The following TAFA2 variants were observed in gnomAD, a reference collection of about 807,000 sequenced individuals.
TAFA2 encodes the protein chemokine-like protein TAFA-2.
A neutral mutation model predicts 18.8 loss-of-function variants in TAFA2; 7 were observed. The observed-to-expected ratio is 0.37, with a 90% CI of 0.21 to 0.70. The LOEUF (loss-of-function observed/expected upper bound fraction) is 0.70. Ranked by LOEUF, TAFA2 falls within the 30% of genes least tolerant of loss-of-function variation. TAFA2 has a pLI of 0.53. For missense variants in TAFA2, 122 were observed against 158.1 expected (o/e 0.77, Z 1.23); for synonymous variants, 60 against 54.2 (o/e 1.11, Z -0.47).
intron 1 of TAFA2, among the ~76,000 whole-genome samples, chr12:62,201,234 T>C (rs2062669384): frequency 3.9e-5 from 6 of 152,178 alleles, no homozygotes; most frequent in Admixed American, 3.9e-4. Context: ...GCTTTATTTC[T>C]TTCTCTTGCC....
intron 1 of TAFA2, among the ~76,000 whole-genome samples, chr12:61,870,293 C>A (rs543992261): frequency 6.6e-6 from 1 of 152,166 alleles, no homozygotes; most frequent in Non-Finnish European, 1.5e-5. Flanking sequence ...TACAGACCAC[C>A]AAACTTTCTC....
intron 1 of TAFA2, among the ~76,000 whole-genome samples, chr12:62,171,285 T>A (rs976177152): frequency 2.0e-5 from 3 of 152,140 alleles, no homozygotes; most frequent in Non-Finnish European, 2.9e-5. Context: ...CATGCACCAT[T>A]TTTGTGTTCC....
intron 1 of TAFA2, among the ~76,000 whole-genome samples, chr12:62,147,902 A>G (rs2062298662): frequency 6.6e-6 from 1 of 152,214 alleles, no homozygotes; most frequent in Non-Finnish European, 1.5e-5. Context: ...TTGGCAAAGG[A>G]CATGAGCAGA....
At chr12:62,095,432 A>G (rs1868907430) in intron 1 of TAFA2, among the ~76,000 whole-genome samples, 1 of 152,168 alleles carries the variant, frequency 6.6e-6, no homozygotes, top group African/African-American at 2.4e-5. Flanking sequence ...GTCTAAAAGA[A>G]CATGGTCAGG....
chr12:62,069,269 A>T (rs1170364722), intron 1 of TAFA2, among the ~76,000 whole-genome samples: 1 of 152,182 alleles, frequency 6.6e-6, no homozygotes, highest in Non-Finnish European at 1.5e-5. Context: ...GGCAGGAAAG[A>T]ATCAAAACAG....
chr12:61,983,949 C>G (rs909262636), intron 1 of TAFA2, among the ~76,000 whole-genome samples: 1 of 152,092 alleles, frequency 6.6e-6, no homozygotes, highest in Non-Finnish European at 1.5e-5. Context: ...TAGATCACAT[C>G]GCTCATTCTC....
At chr12:61,814,101 G>A (rs1007823135) in intron 2 of TAFA2, among the ~76,000 whole-genome samples, 24 of 151,430 alleles carry the variant, frequency 1.6e-4, no homozygotes, top group Middle Eastern at 3.4e-3. Flanking sequence ...TTCAATAAGG[G>A]AAATAAATGC....
At chr12:62,132,019 G>A (rs1870706482) in intron 1 of TAFA2, among the ~76,000 whole-genome samples, 1 of 150,918 alleles carries the variant, frequency 6.6e-6, no homozygotes, top group Non-Finnish European at 1.5e-5. Flanking sequence ...ATAGGAAATG[G>A]TATGTTAAAA....
chr12:62,258,930 A>G (rs1011280954), upstream of TAFA2: 6 of 181,198 alleles, frequency 3.3e-5, no homozygotes, highest in African/African-American at 1.4e-4. Context: ...GAAAAGCCAG[A>G]AATAGCAGTC....
At chr12:61,726,137 T>A in intron 4 of TAFA2, among the ~76,000 whole-genome samples, 1 of 151,896 alleles carries the variant, frequency 6.6e-6, no homozygotes, top group East Asian at 1.9e-4. Context: ...CAGGGACTCT[T>A]TTTTTAATTT....
chr12:61,877,924 T>TACAC (rs57233464), intron 1 of TAFA2, among the ~76,000 whole-genome samples: 1,931 of 147,048 alleles, frequency 0.013, 34 homozygotes, highest in African/African-American at 0.044. Context: ...TATATATATA[T>TACAC]ACACACACAC....
intron 1 of TAFA2, among the ~76,000 whole-genome samples, chr12:62,103,937 TA>T (rs1170223938): frequency 6.6e-6 from 1 of 152,198 alleles, no homozygotes; most frequent in Non-Finnish European, 1.5e-5. Flanking sequence ...CCTCTAACCC[TA>T]TTGTGCCTGT....
At chr12:61,789,296 T>C (rs1592389627) in intron 2 of TAFA2, among the ~76,000 whole-genome samples, 2 of 151,854 alleles carry the variant, frequency 1.3e-5, no homozygotes, top group African/African-American at 4.8e-5. Flanking sequence ...TAAGTCTTTA[T>C]TTCATCTTGA....
At chr12:62,078,950 T>A (rs1868279750) in intron 1 of TAFA2, among the ~76,000 whole-genome samples, 1 of 152,216 alleles carries the variant, frequency 6.6e-6, no homozygotes, top group Non-Finnish European at 1.5e-5. Flanking sequence ...CCTGGTTCAC[T>A]TTGTCCCCTG....
rs1272463192 is a variant in TAFA2 at position 61,753,332 on chromosome 12, A to T, written c.384+290T>A. The stretch of plus-strand genomic sequence containing the variant: ...GTCACCCTCCCAGAATTTAACATGC[A>T]TCCTCAGTGGGGAAAGGAGGTTCAC... On this transcript the variant is annotated intron_variant, in intron 4 of 4. Coordinates refer to ENST00000416284, the MANE Select transcript of TAFA2 (RefSeq NM_178539.5). Among the ~76,000 whole-genome samples the T allele has an allele frequency of 2.0e-5, 3 of 152,078 alleles. No homozygotes were observed. The East Asian group carries it at 5.8e-4, about 29-fold the overall frequency.
intron 4 of TAFA2, among the ~76,000 whole-genome samples, chr12:61,730,299 C>T (rs939306254): frequency 9.9e-5 from 15 of 152,046 alleles, no homozygotes; most frequent in African/African-American, 2.2e-4. Flanking sequence ...TTTTCTTCCT[C>T]GGAGCAGGGT....
chr12:62,171,799 T>A (rs147413289), intron 1 of TAFA2, among the ~76,000 whole-genome samples: 1 of 152,184 alleles, frequency 6.6e-6, no homozygotes, highest in South Asian at 2.1e-4. Flanking sequence ...TAATAAATCA[T>A]CTAGAAAAAG....
chr12:61,872,131 G>A (rs1230787085), intron 1 of TAFA2, among the ~76,000 whole-genome samples: 2 of 151,936 alleles, frequency 1.3e-5, no homozygotes, highest in Non-Finnish European at 2.9e-5. Flanking sequence ...CATGAAAACA[G>A]AAAGTAAGTT....
chr12:62,234,776 A>C (rs978493792), intron 1 of TAFA2: 1 of 1,070,396 alleles, frequency 9.3e-7, no homozygotes, highest in African/African-American at 1.5e-5. Flanking sequence ...TCTGTGGAGC[A>C]GGTCTGGGAT....
Sources: allele counts gnomAD v4.1 joint callset (sites outside exome capture counted in the v4.1 genomes callset), GRCh38; gene constraint gnomAD v4.1.1; transcripts MANE v1.5; gene names NCBI Gene and HGNC (gene_info 2026-07-23, HGNC 2026-07-21).